METTL22: variants seen among roughly 807,000 people sequenced by gnomAD.
The protein encoded by METTL22 is methyltransferase 22, Kin17 lysine, also known as methyltransferase-like protein 22.
Under a neutral mutation model 48.4 loss-of-function variants are expected in METTL22, and 51 were observed. The observed-to-expected ratio is 1.05, with a 90% CI of 0.84 to 1.33. METTL22 has a LOEUF of 1.33. Ranked by LOEUF, METTL22 falls within the 40% of genes most tolerant of loss-of-function variation. The pLI is 0.00. For missense variants in METTL22, 678 were observed against 526.9 expected, an observed-to-expected ratio of 1.29 and a Z score of -2.81; for synonymous variants, 255 against 214.1, an observed-to-expected ratio of 1.19 and a Z score of -1.67.
chr16:8,628,960 T>C lies in METTL22; in HGVS notation c.364T>C (p.Leu122=), dbSNP rs1323832184. ...AEAQLDEDGD[L]DVVRRPRAAS... is the part of the protein sequence containing the mutation. Reference sequence around the variant, plus strand: ...AGCTCAGCTGGATGAGGATGGGGATTTGGACGTGGTGAGAAGACCACGAGC... The same window carrying C: ...AGCTCAGCTGGATGAGGATGGGGATCTGGACGTGGTGAGAAGACCACGAGC... The change falls in exon 3 of 11, where the codon TTG becomes CTG. Residue 122 remains leucine, a synonymous_variant. Transcript: ENST00000381920. 5.0e-6 allele frequency: 8 copies of C among 1,613,926 alleles called. No homozygotes were observed. Among genetic ancestry groups the C allele is most frequent in the African/African-American group, 1.3e-5 (1 of 74,920 alleles).
chr16:8,642,599 C>A (rs199917608), intron 9 of METTL22, 34 bp downstream of exon 9: 52 of 1,582,276 alleles, frequency 3.3e-5, no homozygotes, highest in Non-Finnish European at 4.4e-5. Context: ...GTGCTGACGT[C>A]CCGAGTGTCA....
chr16:8,646,865 T>A lies in METTL22; in HGVS notation c.*722T>A. On this transcript the variant is annotated 3_prime_UTR_variant, in exon 11 of 11. Transcript: ENST00000381920. ...CTTGGTCTCTCTGTCTTATCACGTG[T>A]GTACATGTCTGTCTGTCTGGTTTTT... 2.8e-6 allele frequency: 1 copy of A among 359,022 alleles called. No homozygotes were observed. The highest frequency in any genetic ancestry group is 5.5e-6 in the Non-Finnish European group (1 of 182,306). 22.2% of individuals were successfully genotyped at this position (359,022 alleles called of 1,614,324 possible).
At position 8,646,843 on chromosome 16, in the gene METTL22, G is replaced by T. The variant is rs1225635691; in HGVS notation, c.*700G>T. On this transcript the variant is annotated 3_prime_UTR_variant, in exon 11 of 11. Transcript: ENST00000381920. Reference sequence around the variant, plus strand: ...TGGACTCATTTTCCCTCCGCCCCTTGGTCTCTCTGTCTTATCACGTGTGTA... The same window carrying T: ...TGGACTCATTTTCCCTCCGCCCCTTTGTCTCTCTGTCTTATCACGTGTGTA... The T allele has an allele frequency of 1.3e-5, 5 of 373,570 alleles. No individual in the cohort carries two copies. Among genetic ancestry groups the T allele is most frequent in the African/African-American group, 4.2e-5 (2 of 47,272 alleles). 23.1% of individuals were successfully genotyped at this position (373,570 alleles called of 1,614,324 possible).
intron 9 of METTL22, 78 bp from the exon 10 acceptor site, chr16:8,644,479 G>GAAAGCT (rs1038126659): frequency 3.5e-6 from 5 of 1,432,974 alleles, no homozygotes; most frequent in Non-Finnish European, 3.8e-6. Flanking sequence ...TGAGGGATAG[G>GAAAGCT]AAAGCAAGGT....
chr16:8,658,305 C>T, the METTL22 span, among the ~76,000 whole-genome samples: 3 of 152,184 alleles, frequency 2.0e-5, no homozygotes, highest in African/African-American at 4.8e-5. Context: ...ACCTTGATTG[C>T]GGACTTCTGG....
chr16:8,631,908 C>G (rs2056275974), intron 3 of METTL22: 1 of 152,266 alleles, frequency 6.6e-6, no homozygotes, highest in African/African-American at 2.4e-5. Flanking sequence ...CACCCCTAGA[C>G]TGAATCCTTC....
rs571739073 is a variant in METTL22, at chr16:8,640,354, G to A, written c.773-777G>A. ...CATCACCCAGCCACACAGTCTTGCC[G>A]TTGTTGGTTAACCTGCCAGTCTCTC... On this transcript the variant is annotated intron_variant, in intron 6 of 10. Coordinates refer to ENST00000381920, the MANE Select transcript of METTL22 (RefSeq NM_024109.4). Among the ~76,000 whole-genome samples, 112 of 152,126 alleles carry A rather than the reference G, an allele frequency of 7.4e-4. 1 individual carries two copies. Among genetic ancestry groups the A allele is most frequent in the Admixed American group, 5.0e-3 (77 of 15,276 alleles).
chr16:8,656,433 CAACT>C, the METTL22 span, among the ~76,000 whole-genome samples: 11 of 152,202 alleles, frequency 7.2e-5, no homozygotes, highest in African/African-American at 2.4e-4. Flanking sequence ...ACCAACTGCA[CAACT>C]AACTATTGGA....
chr16:8,638,002 C>T (rs887143506), intron 5 of METTL22, among the ~76,000 whole-genome samples: 3 of 137,942 alleles, frequency 2.2e-5, no homozygotes, highest in Non-Finnish European at 3.2e-5. Flanking sequence ...AAAAAATTAG[C>T]CAGGCATGGT....
intron 5 of METTL22, 53 bp downstream of exon 5, chr16:8,635,365 G>A: frequency 6.7e-7 from 1 of 1,483,916 alleles, no homozygotes; most frequent in South Asian, 1.4e-5. Context: ...CACAAAGCAT[G>A]CACTGACTGT....
In METTL22 at chr16:8,648,907, C is replaced by A. The variant is rs2056850525; in HGVS notation, c.*2764C>A. 2 of 152,270 alleles carry A rather than the reference C, an allele frequency of 1.3e-5. No individual in the cohort carries two copies. Among genetic ancestry groups the A allele is most frequent in the African/African-American group, 4.8e-5 (2 of 41,456 alleles). 9.4% of individuals were successfully genotyped at this position (152,270 alleles called of 1,614,324 possible). On this transcript the variant is annotated 3_prime_UTR_variant, in exon 11 of 11. Coordinates refer to ENST00000381920, the MANE Select transcript of METTL22 (RefSeq NM_024109.4). ...AGAAGCTCTGGGGCCTACCACATAG[C>A]CCTCAACCTATTGCTGTTTTCTAAA...
chr16:8,646,443 A>C lies in METTL22; in HGVS notation c.*300A>C. 1 of 638,176 alleles carries C rather than the reference A, an allele frequency of 1.6e-6. No homozygotes were observed. The highest frequency in any genetic ancestry group is 2.5e-4 in the Middle Eastern group (1 of 4,056). 39.5% of individuals were successfully genotyped at this position (638,176 alleles called of 1,614,324 possible). A position where few individuals can be genotyped will look rare whatever the true frequency, so the allele number is the denominator to read the frequency against. On this transcript the variant is annotated 3_prime_UTR_variant, in exon 11 of 11. Transcript: ENST00000381920. ...CAGCTCAGTTCCACCCACGTCAGTC[A>C]TTTCAGCTGTGTGCTTTACTTGCGG...
chr16:8,629,234 C>T, intron 3 of METTL22, 124 bp downstream of exon 3: 1 of 1,293,970 alleles, frequency 7.7e-7, no homozygotes. Context: ...TGAGAACCAG[C>T]TCGGGTGAGA....
downstream of METTL22, among the ~76,000 whole-genome samples, chr16:8,654,155 A>G (rs1182689663): frequency 6.6e-6 from 1 of 152,250 alleles, no homozygotes; most frequent in African/African-American, 2.4e-5. Context: ...GCCCCACTTC[A>G]TAGATGGGTA....
chr16:8,627,443 G>C (rs2056099034), intron 2 of METTL22, among the ~76,000 whole-genome samples: 1 of 151,996 alleles, frequency 6.6e-6, no homozygotes, highest in Admixed American at 6.6e-5. Context: ...GGCTCCTCAA[G>C]TATCATCTCC....
rs58860199 is a variant in METTL22, at chr16:8,649,637, CAAAA to C, written c.*3508_*3511del. On this transcript the variant is annotated 3_prime_UTR_variant, in exon 11 of 11. Transcript: ENST00000381920. ...TGAAACCCCGTCTCTACTAAAAATA[CAAAA>C]AAAAAAAAAAAAATTAGCTGGGCGT... is the stretch of plus-strand genomic sequence containing the variant. The C allele has an allele frequency of 6.8e-3, 981 of 144,866 alleles. 4 individuals carry two copies. Among genetic ancestry groups the C allele is most frequent in the African/African-American group, 0.015 (583 of 39,340 alleles). The allele number at this position is 144,866 out of a possible 1,614,324, so 9.0% of individuals were successfully genotyped here. A position where few individuals can be genotyped will look rare whatever the true frequency, so the allele number is the denominator to read the frequency against.
the METTL22 span, among the ~76,000 whole-genome samples, chr16:8,663,258 A>G: frequency 6.7e-6 from 1 of 149,104 alleles, no homozygotes; most frequent in Non-Finnish European, 1.5e-5. Context: ...TCATCTCCCT[A>G]TTATTATTAA....
chr16:8,626,968 C>T (rs889057187), intron 2 of METTL22, among the ~76,000 whole-genome samples: 12 of 151,612 alleles, frequency 7.9e-5, no homozygotes, highest in Non-Finnish European at 1.5e-4. Context: ...AGGGTTTCAC[C>T]GTGTTAACCA....
At chr16:8,639,224 C>T (rs2056517859) in intron 6 of METTL22, 62 bp downstream of exon 6, 26 of 1,508,154 alleles carry the variant, frequency 1.7e-5, no homozygotes, top group Non-Finnish European at 2.3e-5. Flanking sequence ...ATAGGACAGA[C>T]ACCCAAGACC....
Sources: gnomAD v4.1 joint callset for allele counts (sites outside exome capture counted in the v4.1 genomes callset) on GRCh38, gnomAD v4.1.1 for gene constraint, MANE v1.5 for transcripts, NCBI Gene and HGNC (gene_info 2026-07-23, HGNC 2026-07-21) for gene names.